GABRB1: variants seen among roughly 807,000 people sequenced by gnomAD.
The protein encoded by GABRB1 is gamma-aminobutyric acid receptor subunit beta-1.
A neutral mutation model predicts 51.6 loss-of-function variants in GABRB1; 17 were observed. That is an observed-to-expected ratio of 0.33 (90% CI 0.23 to 0.49). The LOEUF is 0.49. Among genes scored for constraint, GABRB1 ranks in the 20% least tolerant of loss-of-function variants. The pLI, the probability that GABRB1 is intolerant of heterozygous loss-of-function variation, is 0.99. For missense variants in GABRB1, 410 were observed against 600.6 expected (o/e 0.68, Z 3.32); for synonymous variants, 247 against 218.9 (o/e 1.13, Z -1.14).
At chr4:47,193,044 C>G (rs986022542) in intron 4 of GABRB1, among the ~76,000 whole-genome samples, 2 of 152,178 alleles carry the variant, frequency 1.3e-5, no homozygotes, top group Admixed American at 6.5e-5. Context: ...ATTGAGGAAG[C>G]TTTTAATCCA....
At chr4:47,373,375 C>T (rs1254208920) in intron 5 of GABRB1, among the ~76,000 whole-genome samples, 1 of 152,156 alleles carries the variant, frequency 6.6e-6, no homozygotes, top group Non-Finnish European at 1.5e-5. Flanking sequence ...TAGTTCTCTC[C>T]AGAATGTAAA....
intron 3 of GABRB1, among the ~76,000 whole-genome samples, chr4:47,118,404 T>C (rs371881605): frequency 1.3e-5 from 2 of 152,168 alleles, no homozygotes; most frequent in African/African-American, 4.8e-5. Flanking sequence ...TGCAGCTGTC[T>C]AAGTGACTTC....
chr4:47,293,492 C>T (rs1041980758), intron 4 of GABRB1, among the ~76,000 whole-genome samples: 1 of 151,940 alleles, frequency 6.6e-6, no homozygotes, highest in Non-Finnish European at 1.5e-5. Flanking sequence ...TACAAAAGTA[C>T]TTGAGGATTT....
chr4:47,206,558 GCTTA>G (rs1578000817), intron 4 of GABRB1, among the ~76,000 whole-genome samples: 1 of 151,800 alleles, frequency 6.6e-6, no homozygotes, highest in African/African-American at 2.4e-5. Context: ...TTGTTTTGTT[GCTTA>G]CTATGTGTGA....
chr4:47,032,530 G>A, intron 3 of GABRB1, 46 bp downstream of exon 3: 1 of 1,565,110 alleles, frequency 6.4e-7, no homozygotes, highest in Non-Finnish European at 8.8e-7. Context: ...TACGCAGATG[G>A]GAAATGGACA....
intron 4 of GABRB1, among the ~76,000 whole-genome samples, chr4:47,194,638 G>A (rs1719574153): frequency 6.6e-6 from 1 of 152,178 alleles, no homozygotes; most frequent in African/African-American, 2.4e-5. Flanking sequence ...CTGCACAAAA[G>A]TTACCAAAGA....
chr4:47,205,613 G>A (rs1292719786), intron 4 of GABRB1, among the ~76,000 whole-genome samples: 1 of 152,074 alleles, frequency 6.6e-6, no homozygotes, highest in African/African-American at 2.4e-5. Context: ...CTCAGATTTT[G>A]GTATTGCATT....
intron 3 of GABRB1, among the ~76,000 whole-genome samples, chr4:47,049,752 G>C (rs1422800890): frequency 6.6e-6 from 1 of 152,076 alleles, no homozygotes; most frequent in Non-Finnish European, 1.5e-5. Flanking sequence ...AAAACAAAAG[G>C]GTTTACTGCA....
intron 4 of GABRB1, among the ~76,000 whole-genome samples, chr4:47,196,645 T>C (rs1333905165): frequency 6.6e-6 from 1 of 152,184 alleles, no homozygotes; most frequent in East Asian, 1.9e-4. Flanking sequence ...TGATGGTGTA[T>C]AAGGACTAGA....
At chr4:47,235,600 A>G (rs1721304402) in intron 4 of GABRB1, among the ~76,000 whole-genome samples, 1 of 151,994 alleles carries the variant, frequency 6.6e-6, no homozygotes, top group Non-Finnish European at 1.5e-5. Context: ...TATCTAGAAA[A>G]ACTCTTTGGG....
intron 4 of GABRB1, among the ~76,000 whole-genome samples, chr4:47,203,481 A>G (rs1719976209): frequency 6.6e-6 from 1 of 152,142 alleles, no homozygotes; most frequent in African/African-American, 2.4e-5. Flanking sequence ...ATACCCGGAT[A>G]TATCATACAA....
At chr4:47,224,994 A>T (rs1298942740) in intron 4 of GABRB1, among the ~76,000 whole-genome samples, 1 of 152,164 alleles carries the variant, frequency 6.6e-6, no homozygotes, top group Non-Finnish European at 1.5e-5. Context: ...TCTCGGATTC[A>T]AGCAATTCTC....
chr4:47,223,646 G>T (rs1720846986), intron 4 of GABRB1, among the ~76,000 whole-genome samples: 1 of 152,032 alleles, frequency 6.6e-6, no homozygotes, highest in Non-Finnish European at 1.5e-5. Flanking sequence ...TCAAGAAGAG[G>T]CATGTAGGCT....
chr4:47,005,981 G>A (rs1363321689), intron 1 of GABRB1, among the ~76,000 whole-genome samples: 2 of 149,998 alleles, frequency 1.3e-5, no homozygotes, highest in Admixed American at 1.3e-4. Flanking sequence ...TCTGATTTGA[G>A]GAGGCTTTTG....
intron 3 of GABRB1, among the ~76,000 whole-genome samples, chr4:47,054,020 G>T (rs1376852482): frequency 1.1e-4 from 17 of 151,430 alleles, no homozygotes; most frequent in Admixed American, 1.1e-3. Flanking sequence ...AATTTCTTTA[G>T]ATGAGTAGCT....
intron 4 of GABRB1, among the ~76,000 whole-genome samples, chr4:47,188,016 A>G (rs775008758): frequency 7.2e-5 from 11 of 151,880 alleles, no homozygotes; most frequent in Non-Finnish European, 1.3e-4. Context: ...CTTAGCAATT[A>G]TAACCATTTT....
chr4:47,333,362 T>C (rs897161407), intron 5 of GABRB1, among the ~76,000 whole-genome samples: 4 of 151,644 alleles, frequency 2.6e-5, no homozygotes, highest in African/African-American at 9.7e-5. Context: ...TTCTCTGCCA[T>C]GTAAAAGAAA....
intron 4 of GABRB1, among the ~76,000 whole-genome samples, chr4:47,189,559 A>G (rs1719341679): frequency 6.6e-6 from 1 of 151,922 alleles, no homozygotes; most frequent in Admixed American, 6.6e-5. Flanking sequence ...TATGGAGGGT[A>G]TCGGATAGTT....
intron 4 of GABRB1, among the ~76,000 whole-genome samples, chr4:47,181,907 G>C (rs1718965248): frequency 6.6e-6 from 1 of 151,964 alleles, no homozygotes; most frequent in Non-Finnish European, 1.5e-5. Context: ...CTTCTAGCGG[G>C]GAGTGGCTAT....
Sources: gnomAD v4.1 joint callset for allele counts (sites outside exome capture counted in the v4.1 genomes callset) on GRCh38, gnomAD v4.1.1 for gene constraint, MANE v1.5 for transcripts, NCBI Gene and HGNC (gene_info 2026-07-23, HGNC 2026-07-21) for gene names.